HEMGN: variants seen among roughly 807,000 people sequenced by gnomAD.
HEMGN encodes the protein erythroid differentiation-associated gene protein.
In HEMGN, 32 loss-of-function variants were observed where a neutral mutation model predicts 45.7. That is an observed-to-expected ratio of 0.70 (90% CI 0.53 to 0.94). The LOEUF (loss-of-function observed/expected upper bound fraction) is 0.94, where lower values mean the gene tolerates loss of function less well. HEMGN is among the 40% of genes least tolerant of loss of function. The probability of loss-of-function intolerance (pLI) is 0.00; values close to 1 mark genes in which losing one functional copy is unlikely to be tolerated. For synonymous variants in HEMGN, 183 were observed against 178.6 expected (o/e 1.02, Z -0.20); for missense variants, 530 against 564.2 (o/e 0.94, Z 0.61).
chr9:97,934,497 A>G (rs1664081140), intron 2 of HEMGN, among the ~76,000 whole-genome samples: 1 of 149,270 alleles, frequency 6.7e-6, no homozygotes, highest in African/African-American at 2.5e-5. Context: ...GGGCTCCCAA[A>G]CAAATGCACC....
intron 2 of HEMGN, among the ~76,000 whole-genome samples, chr9:97,934,450 GA>G (rs1827019261): frequency 1.0e-5 from 1 of 96,910 alleles, no homozygotes; most frequent in African/African-American, 3.9e-5. Context: ...GAGGGGAGGG[GA>G]GGGGGGAGGG....
At chr9:97,942,274 C>CTTTTT (rs56055830), upstream of HEMGN, among the ~76,000 whole-genome samples, 24 of 128,186 alleles carry the variant, frequency 1.9e-4, 1 homozygote, top group East Asian at 6.8e-4. Flanking sequence ...CTAATTCCTT[C>CTTTTT]TTTTTTTTTT....
chr9:97,928,042 T>C (rs892772833), intron 3 of HEMGN, among the ~76,000 whole-genome samples: 1 of 150,900 alleles, frequency 6.6e-6, no homozygotes. Flanking sequence ...TTTTTTTTTT[T>C]TTGAGCCGGA....
intron 1 of HEMGN, among the ~76,000 whole-genome samples, 179 bp from the exon 2 acceptor site, chr9:97,936,443 A>C (rs1023696305): frequency 2.6e-5 from 4 of 152,228 alleles, no homozygotes; most frequent in African/African-American, 4.8e-5. Flanking sequence ...ACATTCAGCA[A>C]ATGTTTTTGA....
intron 2 of HEMGN, among the ~76,000 whole-genome samples, chr9:97,935,881 A>G (rs1306629556): frequency 6.6e-6 from 1 of 152,208 alleles, no homozygotes; most frequent in African/African-American, 2.4e-5. Flanking sequence ...CCTAGGAGCT[A>G]AACGCCAGGC....
In HEMGN at chr9:97,928,202, A is replaced by T. The variant is rs1826868842; in HGVS notation, c.1361-724T>A. 4.0e-5 allele frequency among the ~76,000 whole-genome samples: 6 copies of T among 151,708 alleles called. No homozygotes were observed. In the South Asian group the frequency reaches 1.2e-3, roughly 32 times the overall value. ...CCACCGCGCCCGGCTAATTTTTTGT[A>T]ATTTTAGTAGAGACGGGGTTTCATC... On this transcript the variant is annotated intron_variant, in intron 3 of 3. Transcript: ENST00000616898.
At chr9:97,942,196 A>G (rs1013004736), upstream of HEMGN, among the ~76,000 whole-genome samples, 1 of 152,058 alleles carries the variant, frequency 6.6e-6, no homozygotes, top group African/African-American at 2.4e-5. Flanking sequence ...ATTGAGTGAT[A>G]TAACTAAGAT....
At position 97,930,964 on chromosome 9, in the gene HEMGN, T is replaced by G; in HGVS notation, c.431A>C (p.Gln144Pro). The change falls in exon 3 of 4, where the codon CAG becomes CCG. Residue 144 changes from glutamine to proline, a missense_variant. Coordinates refer to ENST00000616898, the MANE Select transcript of HEMGN (RefSeq NM_197978.3). ...SEICQESNIY[Q>P]ENFSEYQEIA... ...TTCTTGGTACTCAGAAAAATTCTCC[T>G]GATATATGTTACTTTCTTGACATAT... 2 of 1,614,216 alleles carry G rather than the reference T, an allele frequency of 1.2e-6. No homozygotes were observed. Among genetic ancestry groups the G allele is most frequent in the Non-Finnish European group, 1.7e-6 (2 of 1,180,018 alleles).
In HEMGN at chr9:97,930,636, C is replaced by T. The variant is rs1477802397; in HGVS notation, c.759G>A (p.Leu253=). ...GATATGCTTGAAGAGAGCATCCTGC[C>T]AGATCAGCTGTGTCTTCAGATGTTG... ...PCPTSEDTAD[L]AGCSLQAYPK... is the part of the protein sequence containing the mutation. The change falls in exon 3 of 4, where the codon CTG becomes CTA. Residue 253 remains leucine, a synonymous_variant. Coordinates refer to ENST00000616898, the MANE Select transcript of HEMGN (RefSeq NM_197978.3). The T allele has an allele frequency of 6.2e-7, 1 of 1,614,016 alleles. No homozygotes were observed. Among genetic ancestry groups the T allele is most frequent in the Non-Finnish European group, 8.5e-7 (1 of 1,180,026 alleles).
chr9:97,932,942 C>T (rs771754900), intron 2 of HEMGN, among the ~76,000 whole-genome samples: 1 of 151,970 alleles, frequency 6.6e-6, no homozygotes, highest in Non-Finnish European at 1.5e-5. Flanking sequence ...TAATAGTAAT[C>T]CAAGTTCCTT....
chr9:97,932,011 AC>A (rs1416806979), intron 2 of HEMGN, among the ~76,000 whole-genome samples: 1 of 152,140 alleles, frequency 6.6e-6, no homozygotes, highest in Non-Finnish European at 1.5e-5. Context: ...TGGGGGAAGT[AC>A]TATAAATAAG....
intron 1 of HEMGN, 47 bp downstream of exon 1, chr9:97,938,011 C>A: frequency 2.5e-6 from 3 of 1,202,166 alleles, no homozygotes; most frequent in East Asian, 2.4e-5. Context: ...TTATCATACC[C>A]CGAATTCTTC....
chr9:97,929,950 G>A, intron 3 of HEMGN, 85 bp downstream of exon 3: 2 of 951,088 alleles, frequency 2.1e-6, no homozygotes, highest in South Asian at 3.2e-5. Context: ...TGAAATAACA[G>A]GGAATACCCA....
intron 1 of HEMGN, 84 bp from the exon 2 acceptor site, chr9:97,936,348 C>T (rs889479139): frequency 6.7e-6 from 6 of 894,688 alleles, no homozygotes; most frequent in Non-Finnish European, 1.1e-5. Context: ...GGCAGAGTCT[C>T]TGTTCTAGGT....
intron 3 of HEMGN, among the ~76,000 whole-genome samples, chr9:97,927,762 C>T (rs1826856496): frequency 6.6e-6 from 1 of 151,756 alleles, no homozygotes; most frequent in Non-Finnish European, 1.5e-5. Flanking sequence ...CAAAGTTAAA[C>T]CAAATCAAAG....
rs976201261 is a variant in HEMGN at position 97,930,756 on chromosome 9, G to A, written c.639C>T (p.Asp213=). 5 of 1,613,964 alleles carry A rather than the reference G, an allele frequency of 3.1e-6. No individual in the cohort carries two copies. Among genetic ancestry groups the A allele is most frequent in the Non-Finnish European group, 4.2e-6 (5 of 1,179,956 alleles). The change falls in exon 3 of 4, where the codon GAC becomes GAT. Residue 213 remains aspartate (D), a synonymous_variant. Transcript: ENST00000616898. The part of the protein sequence containing the change: ...NTCQVISVIQ[D]HPFKMYQDMA... Reference sequence around the variant, plus strand: ...TATCTTGGTACATTTTGAAAGGATGGTCTTGAATTACAGATATTACTTGGC... The same window carrying A: ...TATCTTGGTACATTTTGAAAGGATGATCTTGAATTACAGATATTACTTGGC...
In HEMGN at chr9:97,930,110, C is replaced by A. The variant is rs1469922326; in HGVS notation, c.1285G>T (p.Glu429Ter). The A allele has an allele frequency of 2.5e-6, 4 of 1,614,148 alleles. No homozygotes were observed. The East Asian group carries it at 8.9e-5, about 36-fold the overall frequency. Residue 429 changes from glutamate (E) to a stop codon, truncating the protein, a stop_gained, in exon 3 of 4, where the codon GAA becomes TAA. Coordinates refer to ENST00000616898, the MANE Select transcript of HEMGN (RefSeq NM_197978.3). LOFTEE classifies it high-confidence loss of function. Reference sequence around the variant, plus strand: ...TCCTGGCCTTGGGGCCCACCTGTTTCTTGGTGTGGTTCTGGAAAGCATTCT... The same window carrying A: ...TCCTGGCCTTGGGGCCCACCTGTTTATTGGTGTGGTTCTGGAAAGCATTCT... ...PKECFPEPHQ[E>*]TGGPQGQDPK...
At chr9:97,938,482 G>A (rs552916471), upstream of HEMGN, 13 of 185,304 alleles carry the variant, frequency 7.0e-5, no homozygotes, top group Admixed American at 4.2e-4. Context: ...GTCTGGATCC[G>A]ATGTTCCTTT....
chr9:97,942,742 CT>C (rs1159810667), upstream of HEMGN, among the ~76,000 whole-genome samples: 1 of 152,152 alleles, frequency 6.6e-6, no homozygotes, highest in Non-Finnish European at 1.5e-5. Context: ...AAACACATTG[CT>C]GAAACTTCTG....
Sources: gnomAD v4.1 joint callset for allele counts (sites outside exome capture counted in the v4.1 genomes callset) on GRCh38, gnomAD v4.1.1 for gene constraint, MANE v1.5 for transcripts, NCBI Gene and HGNC (gene_info 2026-07-23, HGNC 2026-07-21) for gene names.